The following GPHN variants were observed in gnomAD, a reference collection of about 807,000 sequenced individuals.
The protein encoded by GPHN is gephyrin.
GPHN carries 17 observed loss-of-function variants against 95.5 expected under a neutral mutation model. The ratio of observed to expected loss-of-function variants is 0.18; its 90% CI spans 0.12 to 0.27. The LOEUF is 0.27. Among genes scored for constraint, GPHN ranks in the 10% least tolerant of loss-of-function variants. The probability of loss-of-function intolerance (pLI) is 1.00; values close to 1 mark genes in which losing one functional copy is unlikely to be tolerated. For synonymous variants in GPHN, 320 were observed against 322.5 expected (o/e 0.99, Z 0.08); for missense variants, 660 against 978.1 (o/e 0.67, Z 4.34).
intron 11 of GPHN, among the ~76,000 whole-genome samples, chr14:67,084,163 T>C (rs928417737): frequency 1.3e-5 from 2 of 152,192 alleles, no homozygotes; most frequent in Non-Finnish European, 2.9e-5. Context: ...TGGTTACAAA[T>C]CTTATGCAAA....
intron 5 of GPHN, among the ~76,000 whole-genome samples, chr14:66,888,833 A>G (rs541259825): frequency 6.6e-6 from 1 of 152,270 alleles, no homozygotes; most frequent in Non-Finnish European, 1.5e-5. Flanking sequence ...TGCTGTCTAC[A>G]TGAGACTCAT....
the GPHN span, among the ~76,000 whole-genome samples, chr14:67,555,513 G>T: frequency 1.3e-5 from 2 of 152,166 alleles, no homozygotes; most frequent in Non-Finnish European, 2.9e-5. Flanking sequence ...GACAGGGTGG[G>T]ATGCTCAGGA....
chr14:66,752,090 C>T (rs879294234), intron 2 of GPHN, among the ~76,000 whole-genome samples: 1 of 152,070 alleles, frequency 6.6e-6, no homozygotes, highest in African/African-American at 2.4e-5. Flanking sequence ...AACTTTTCTT[C>T]TGCAGTTTCC....
At chr14:67,718,783 T>C in the GPHN span, among the ~76,000 whole-genome samples, 1 of 152,180 alleles carries the variant, frequency 6.6e-6, no homozygotes, top group Non-Finnish European at 1.5e-5. Context: ...ATTACAATGA[T>C]GAAGTGGGTG....
chr14:67,443,486 G>A, the GPHN span, among the ~76,000 whole-genome samples: 1 of 152,078 alleles, frequency 6.6e-6, no homozygotes, highest in East Asian at 1.9e-4. Flanking sequence ...AGGAGGGCCA[G>A]TGTTCTGGGA....
At chr14:66,667,349 A>C (rs1303759489) in intron 1 of GPHN, among the ~76,000 whole-genome samples, 1 of 152,222 alleles carries the variant, frequency 6.6e-6, no homozygotes, top group Non-Finnish European at 1.5e-5. Flanking sequence ...TAGCCCAAGC[A>C]ATCGTAAGCC....
At chr14:66,931,954 A>T (rs1024753842) in intron 8 of GPHN, among the ~76,000 whole-genome samples, 16 of 152,182 alleles carry the variant, frequency 1.1e-4, no homozygotes, top group Admixed American at 1.0e-3. Context: ...TATTTATTCT[A>T]ATCTTTGAAG....
At chr14:67,147,288 C>G (rs1436869893) in intron 18 of GPHN, among the ~76,000 whole-genome samples, 2 of 152,078 alleles carry the variant, frequency 1.3e-5, no homozygotes, top group African/African-American at 4.8e-5. Flanking sequence ...TCTCCTTTTC[C>G]CTAATGCTCT....
chr14:67,377,576 A>G, the GPHN span, among the ~76,000 whole-genome samples: 5 of 152,092 alleles, frequency 3.3e-5, no homozygotes, highest in African/African-American at 9.7e-5. Flanking sequence ...ATTTCTTCCT[A>G]TGCTGCTGTC....
intron 5 of GPHN, among the ~76,000 whole-genome samples, chr14:66,888,262 C>T (rs1372393079): frequency 1.3e-5 from 2 of 151,926 alleles, no homozygotes; most frequent in African/African-American, 4.8e-5. Flanking sequence ...CTAGACATAC[C>T]ATCTTCAAAC....
At chr14:66,873,856 A>T (rs1303124298) in intron 4 of GPHN, among the ~76,000 whole-genome samples, 3 of 152,204 alleles carry the variant, frequency 2.0e-5, no homozygotes, top group African/African-American at 7.2e-5. Context: ...CCTTCCTGCC[A>T]GCTCCTAAGA....
At chr14:67,269,877 A>G in the GPHN span, 3 of 152,444 alleles carry the variant, frequency 2.0e-5, no homozygotes, top group Admixed American at 6.5e-5. Context: ...AGAATGTCAG[A>G]GGAATGCTGA....
chr14:67,733,748 A>G, the GPHN span: 1 of 1,609,936 alleles, frequency 6.2e-7, no homozygotes, highest in Non-Finnish European at 8.5e-7. Flanking sequence ...CCCTCCAGTG[A>G]CTGCAAGAGG....
the GPHN span, chr14:67,382,331 G>A: frequency 1.1e-6 from 1 of 888,804 alleles, no homozygotes; most frequent in Non-Finnish European, 1.7e-6. Context: ...TGTAGAATTG[G>A]CAATTACGTT....
intron 10 of GPHN, among the ~76,000 whole-genome samples, chr14:67,025,423 T>C (rs892172415): frequency 2.0e-5 from 3 of 152,206 alleles, no homozygotes; most frequent in African/African-American, 7.2e-5. Context: ...TGGTCATTGA[T>C]CAACCTATGA....
chr14:67,355,370 T>G, the GPHN span, among the ~76,000 whole-genome samples: 1 of 148,792 alleles, frequency 6.7e-6, no homozygotes, highest in East Asian at 2.0e-4. Flanking sequence ...ATTTCTGTTC[T>G]TGCTGCCATA....
intron 17 of GPHN, among the ~76,000 whole-genome samples, chr14:67,134,228 C>T (rs2079903016): frequency 1.3e-5 from 2 of 152,170 alleles, no homozygotes. Context: ...TCTACTGCCT[C>T]ATGAGGTAGC....
chr14:67,174,147 T>A (rs911148706), intron 21 of GPHN, among the ~76,000 whole-genome samples: 1 of 152,238 alleles, frequency 6.6e-6, no homozygotes, highest in African/African-American at 2.4e-5. Flanking sequence ...TAGGTATACA[T>A]GTGCCATGTT....
intron 9 of GPHN, among the ~76,000 whole-genome samples, chr14:66,978,209 T>C (rs2070393085): frequency 6.6e-6 from 1 of 152,228 alleles, no homozygotes; most frequent in Non-Finnish European, 1.5e-5. Context: ...GGCTGCTGAC[T>C]GATCAGGGTA....
Sources: gnomAD v4.1 joint callset for allele counts (sites outside exome capture counted in the v4.1 genomes callset) on GRCh38, gnomAD v4.1.1 for gene constraint, MANE v1.5 for transcripts, NCBI Gene and HGNC (gene_info 2026-07-23, HGNC 2026-07-21) for gene names.